SEC24B: variants seen among roughly 807,000 people sequenced by gnomAD.
SEC24B encodes protein transport protein Sec24B.
Under a neutral mutation model 142.8 loss-of-function variants are expected in SEC24B, and 45 were observed. The observed-to-expected ratio is 0.32, with a 90% CI of 0.25 to 0.40. SEC24B has a LOEUF of 0.40. SEC24B is among the 10% of genes least tolerant of loss of function. The probability of loss-of-function intolerance (pLI) is 1.00; values close to 1 mark genes in which losing one functional copy is unlikely to be tolerated. For missense variants in SEC24B, 1,409 were observed against 1,526.8 expected, an observed-to-expected ratio of 0.92 and a Z score of 1.29; for synonymous variants, 574 against 568.2, an observed-to-expected ratio of 1.01 and a Z score of -0.15.
chr4:109,484,586 C>G (rs1258657027), intron 4 of SEC24B, among the ~76,000 whole-genome samples: 1 of 152,144 alleles, frequency 6.6e-6, no homozygotes, highest in African/African-American at 2.4e-5. Flanking sequence ...TGCAGTGGCT[C>G]ACGCCTGTAA....
chr4:109,495,565 C>T (rs568181231), intron 6 of SEC24B, among the ~76,000 whole-genome samples: 1 of 152,282 alleles, frequency 6.6e-6, no homozygotes, highest in East Asian at 1.9e-4. Context: ...TATAGTCCAT[C>T]TTGAGGAGGC....
chr4:109,481,220 A>C (rs968648635), intron 3 of SEC24B, among the ~76,000 whole-genome samples: 2 of 152,098 alleles, frequency 1.3e-5, no homozygotes, highest in South Asian at 4.1e-4. Context: ...GTTTACCATC[A>C]AGGTAACATT....
chr4:109,435,865 T>C (rs1728363274), intron 1 of SEC24B, among the ~76,000 whole-genome samples: 1 of 152,192 alleles, frequency 6.6e-6, no homozygotes, highest in African/African-American at 2.4e-5. Flanking sequence ...TGGCTAGCCT[T>C]GAGGGACTCG....
chr4:109,518,413 C>T lies in SEC24B; in HGVS notation c.2126+1773C>T, dbSNP rs1561167957. On this transcript the variant is annotated intron_variant, in intron 11 of 23. Transcript: ENST00000265175. The stretch of plus-strand genomic sequence containing the variant: ...TACTGCAGTGGTTCTCAACATCTGT[C>T]GAGGTGTGGGGCTTGTTATATATGA... Among the ~76,000 whole-genome samples, 6 of 152,248 alleles carry T rather than the reference C, an allele frequency of 3.9e-5. 1 individual carries two copies. The highest frequency in any genetic ancestry group is 6.5e-5 in the Admixed American group (1 of 15,290).
intron 6 of SEC24B, among the ~76,000 whole-genome samples, chr4:109,505,226 A>G (rs888507480): frequency 2.6e-5 from 4 of 152,098 alleles, no homozygotes; most frequent in African/African-American, 9.7e-5. Flanking sequence ...AAAACAAAAT[A>G]AAATTAAAAA....
At chr4:109,472,638 G>A (rs373144201) in intron 2 of SEC24B, among the ~76,000 whole-genome samples, 15 of 152,146 alleles carry the variant, frequency 9.9e-5, no homozygotes, top group African/African-American at 3.6e-4. Context: ...ACAATAATCT[G>A]TGCAATAATT....
At chr4:109,531,630 T>G in intron 20 of SEC24B, 108 bp downstream of exon 20, 4 of 780,384 alleles carry the variant, frequency 5.1e-6, no homozygotes, top group Non-Finnish European at 8.1e-6. Context: ...TTTTAACTCT[T>G]TTTCCCCCTT....
intron 3 of SEC24B, 22 bp downstream of exon 3, chr4:109,473,208 G>A (rs1236795377): frequency 6.8e-7 from 1 of 1,476,786 alleles, no homozygotes; most frequent in Non-Finnish European, 9.1e-7. Flanking sequence ...ATTTATTATT[G>A]TATATGCACA....
intron 1 of SEC24B, among the ~76,000 whole-genome samples, chr4:109,457,747 A>G (rs1270390612): frequency 6.6e-6 from 1 of 152,200 alleles, no homozygotes; most frequent in Non-Finnish European, 1.5e-5. Context: ...TTGTGGCTAC[A>G]TCACTCTGTG....
chr4:109,492,718 T>C (rs1735142172), intron 5 of SEC24B, among the ~76,000 whole-genome samples: 2 of 152,170 alleles, frequency 1.3e-5, no homozygotes, highest in South Asian at 4.1e-4. Context: ...AGAAATATTA[T>C]TCTTTCCTGA....
In SEC24B at chr4:109,477,142, A is replaced by T. The variant is rs1433002502; in HGVS notation, c.1060+3956A>T. Among the ~76,000 whole-genome samples, 16 of 99,032 alleles carry T rather than the reference A, an allele frequency of 1.6e-4. No individual in the cohort carries two copies. In the African/African-American group the frequency reaches 2.1e-3, roughly 13 times the overall value. The allele number at this position is 99,032 out of a possible 152,430, so 65.0% of individuals were successfully genotyped here. On this transcript the variant is annotated intron_variant, in intron 3 of 23. Transcript: ENST00000265175. ...ACAGAGCGAGACTCCGTCTCAAATA[A>T]AAAAAAAAAAAAAAAAAAAAAAAGA...
At chr4:109,438,823 T>G (rs1728654825) in intron 1 of SEC24B, among the ~76,000 whole-genome samples, 1 of 152,222 alleles carries the variant, frequency 6.6e-6, no homozygotes, top group African/African-American at 2.4e-5. Flanking sequence ...TGTATTTCTA[T>G]CCTTCATTTT....
chr4:109,483,048 T>TTTTATATA lies in SEC24B; in HGVS notation c.1165+1268_1165+1269insTTATATAT, dbSNP rs1561117566. 3.2e-3 allele frequency among the ~76,000 whole-genome samples: 377 copies of TTTTATATA among 118,980 alleles called. 7 individuals carry two copies. The highest frequency in any genetic ancestry group is 0.015 in the African/African-American group (368 of 24,556). The allele number at this position is 118,980 out of a possible 152,430, so 78.1% of individuals were successfully genotyped here. ...TATATATGTATTTATATATATGTAT[T>TTTTATATA]TATGTATTTATATATATATATATAT... On this transcript the variant is annotated intron_variant, in intron 4 of 23. Transcript: ENST00000265175.
At chr4:109,531,735 T>TA (rs1724952192) in intron 20 of SEC24B, among the ~76,000 whole-genome samples, 1 of 152,230 alleles carries the variant, frequency 6.6e-6, no homozygotes, top group South Asian at 2.1e-4. Context: ...TTTTAAAAAA[T>TA]AGTTTCATAT....
chr4:109,500,088 G>A (rs933507143), intron 6 of SEC24B, among the ~76,000 whole-genome samples: 2 of 152,076 alleles, frequency 1.3e-5, no homozygotes, highest in African/African-American at 4.8e-5. Flanking sequence ...CAACAAAAAA[G>A]TTTAAAAGGA....
chr4:109,463,311 C>A lies in SEC24B; in HGVS notation c.544C>A (p.His182Asn). ...TCAGGGATTTCCCTCTACTTGTGGTCATTATGCTATGTCAACTGTTTCTAA... is the reference window on the plus strand; with the variant it reads ...TCAGGGATTTCCCTCTACTTGTGGTAATTATGCTATGTCAACTGTTTCTAA... ...ASQGFPSTCG[H>N]YAMSTVSNAA... Residue 182 changes from histidine to asparagine, a missense_variant, in exon 2 of 24, where the codon CAT becomes AAT. Physicochemically the swap from His to Asn is moderately conservative, Grantham distance 68 (BLOSUM62 1). This residue lies in a region of SEC24B where 709 missense variants were observed against 673.5 expected (regional missense o/e 1.05). Coordinates refer to ENST00000265175, the MANE Select transcript of SEC24B (RefSeq NM_006323.5). 1 of 1,614,174 alleles carries A rather than the reference C, an allele frequency of 6.2e-7. No individual in the cohort carries two copies.
intron 1 of SEC24B, among the ~76,000 whole-genome samples, chr4:109,438,117 G>A (rs1450192482): frequency 6.6e-6 from 1 of 152,110 alleles, no homozygotes; most frequent in East Asian, 1.9e-4. Context: ...GGTTAAGTAG[G>A]TACATTTTCT....
intron 2 of SEC24B, among the ~76,000 whole-genome samples, chr4:109,470,273 T>C (rs1475761994): frequency 2.6e-5 from 4 of 152,220 alleles, no homozygotes; most frequent in African/African-American, 9.6e-5. Flanking sequence ...AAACTATACA[T>C]CTGTGTCACC....
In SEC24B at chr4:109,530,180, A is replaced by G. The variant is rs563816535; in HGVS notation, c.3077-109A>G. The G allele has an allele frequency of 9.6e-6, 9 of 933,728 alleles. No homozygotes were observed. In the East Asian group the frequency reaches 2.3e-4, roughly 24 times the overall value. 57.8% of individuals were successfully genotyped at this position (933,728 alleles called of 1,614,324 possible). A position where few individuals can be genotyped will look rare whatever the true frequency, so the allele number is the denominator to read the frequency against. The stretch of plus-strand genomic sequence containing the variant: ...CTGATGAAATGCATTTTTCCATCCT[A>G]AAAACTTAGCTGAATTTTGTTTCTT... On this transcript the variant is annotated intron_variant, in intron 18 of 23. Coordinates refer to ENST00000265175, the MANE Select transcript of SEC24B (RefSeq NM_006323.5).
Sources: gnomAD v4.1 joint callset for allele counts (sites outside exome capture counted in the v4.1 genomes callset) on GRCh38, gnomAD v4.1.1 for gene constraint, gnomAD v4.1.1 regional missense constraint, MANE v1.5 for transcripts, NCBI Gene and HGNC (gene_info 2026-07-23, HGNC 2026-07-21) for gene names.